The following ADGRB3 variants were observed in gnomAD, a reference collection of about 807,000 sequenced individuals.
ADGRB3 encodes the protein adhesion G protein-coupled receptor B3.
Under a neutral mutation model 193.4 loss-of-function variants are expected in ADGRB3, and 37 were observed. The ratio of observed to expected loss-of-function variants is 0.19; its 90% CI spans 0.15 to 0.25. ADGRB3 has a LOEUF of 0.25. Among genes scored for constraint, ADGRB3 ranks in the 10% least tolerant of loss-of-function variants. The pLI, the probability that ADGRB3 is intolerant of heterozygous loss-of-function variation, is 1.00. For missense variants in ADGRB3, 1,637 were observed against 1,852.9 expected (o/e 0.88, Z 2.14); for synonymous variants, 690 against 644.2 (o/e 1.07, Z -1.08).
intron 13 of ADGRB3, among the ~76,000 whole-genome samples, chr6:69,018,725 T>G (rs1770169912): frequency 6.6e-6 from 1 of 151,996 alleles, no homozygotes; most frequent in Admixed American, 6.6e-5. Flanking sequence ...GTATGATTGC[T>G]TGTAGGCCTA....
chr6:69,002,532 A>G (rs1769611904), intron 11 of ADGRB3, among the ~76,000 whole-genome samples: 1 of 152,102 alleles, frequency 6.6e-6, no homozygotes, highest in Non-Finnish European at 1.5e-5. Context: ...TTTTATCTTA[A>G]AACACTTGAT....
At position 68,979,505 on chromosome 6, in the gene ADGRB3, A is replaced by G. The variant is rs538031001; in HGVS notation, c.1734+4165A>G. Among the ~76,000 whole-genome samples, 23 of 151,710 alleles carry G rather than the reference A, an allele frequency of 1.5e-4. 1 individual carries two copies. In the East Asian group the frequency reaches 4.2e-3, roughly 28 times the overall value. ...TCATATCAATGTTGTTTTTTAAAAAAGACACAAATACACTTATCCAATTAA... is the reference window on the plus strand; with the variant it reads ...TCATATCAATGTTGTTTTTTAAAAAGGACACAAATACACTTATCCAATTAA... On this transcript the variant is annotated intron_variant, in intron 10 of 31. Transcript: ENST00000370598.
chr6:69,330,396 T>C (rs1768688823), intron 22 of ADGRB3, 110 bp from the exon 23 acceptor site: 1 of 645,560 alleles, frequency 1.5e-6, no homozygotes, highest in Admixed American at 3.4e-5. Context: ...ATGTTTAACA[T>C]GTGCCAAAAT....
At position 68,639,317 on chromosome 6, in the gene ADGRB3, G is replaced by A; in HGVS notation, c.642G>A (p.Leu214=). The A allele has an allele frequency of 6.2e-7, 1 of 1,613,732 alleles. No individual in the cohort carries two copies. Among genetic ancestry groups the A allele is most frequent in the Non-Finnish European group, 8.5e-7 (1 of 1,179,910 alleles). The change falls in exon 3 of 32, where the codon TTG becomes TTA. Residue 214 remains leucine, a synonymous_variant. Coordinates refer to ENST00000370598, the MANE Select transcript of ADGRB3 (RefSeq NM_001704.3). ...EWGIDDQSLI[L]LNNVVLPLNE... is the part of the protein sequence containing the mutation. ...GGATCGACGACCAGTCGCTGATTTT[G>A]TTAAATAACGTGGTGTTACCCCTGA...
At chr6:68,789,253 T>C (rs372400207) in intron 3 of ADGRB3, among the ~76,000 whole-genome samples, 27 of 152,198 alleles carry the variant, frequency 1.8e-4, no homozygotes, top group Non-Finnish European at 3.7e-4. Flanking sequence ...CTAGCCTTGA[T>C]GGTCTTTACA....
chr6:68,669,744 G>A (rs1179631716), intron 3 of ADGRB3, among the ~76,000 whole-genome samples: 1 of 151,486 alleles, frequency 6.6e-6, no homozygotes, highest in South Asian at 2.1e-4. Flanking sequence ...AACAAACATA[G>A]GAGTGCTGAT....
At chr6:68,872,292 T>C (rs889416112) in intron 3 of ADGRB3, among the ~76,000 whole-genome samples, 3 of 152,130 alleles carry the variant, frequency 2.0e-5, no homozygotes, top group African/African-American at 7.2e-5. Context: ...AAATACTGTG[T>C]AGTGACTTGG....
chr6:69,278,230 G>A (rs1170657370), intron 20 of ADGRB3, among the ~76,000 whole-genome samples: 1 of 152,174 alleles, frequency 6.6e-6, no homozygotes, highest in African/African-American at 2.4e-5. Flanking sequence ...TGGAAAAAAA[G>A]TTTTAATCTT....
At chr6:69,171,732 T>G (rs1775275410) in intron 17 of ADGRB3, among the ~76,000 whole-genome samples, 2 of 152,124 alleles carry the variant, frequency 1.3e-5, no homozygotes, top group East Asian at 1.9e-4. Context: ...TTGCAACTAC[T>G]TAGCATAAAG....
At chr6:68,827,525 A>G (rs1767867518) in intron 3 of ADGRB3, among the ~76,000 whole-genome samples, 1 of 152,038 alleles carries the variant, frequency 6.6e-6, no homozygotes, top group Non-Finnish European at 1.5e-5. Context: ...TATGGGAGAG[A>G]GAAAAGAGAA....
chr6:68,811,524 G>A (rs1284412141), intron 3 of ADGRB3, among the ~76,000 whole-genome samples: 24 of 151,846 alleles, frequency 1.6e-4, no homozygotes, highest in East Asian at 3.9e-4. Context: ...GCTGGAGTGC[G>A]GTGGGATGAT....
At chr6:68,826,386 G>T (rs1030819363) in intron 3 of ADGRB3, among the ~76,000 whole-genome samples, 1 of 152,124 alleles carries the variant, frequency 6.6e-6, no homozygotes, top group Non-Finnish European at 1.5e-5. Flanking sequence ...AAAAACAAAT[G>T]CCCTGAAGTG....
rs1447289889 is a variant in ADGRB3, at chr6:69,303,746, A to G, written c.2815-21126A>G. On this transcript the variant is annotated intron_variant, in intron 20 of 31. Coordinates refer to ENST00000370598, the MANE Select transcript of ADGRB3 (RefSeq NM_001704.3). Reference sequence around the variant, plus strand: ...CACAGATATTATTTAAAAATTGTGCATAAAACTGACCTATCTCTAAAGAAT... The same window carrying G: ...CACAGATATTATTTAAAAATTGTGCGTAAAACTGACCTATCTCTAAAGAAT... Among the ~76,000 whole-genome samples, 10 of 152,110 alleles carry G rather than the reference A, an allele frequency of 6.6e-5. No individual in the cohort carries two copies. The East Asian group carries it at 1.9e-3, about 30-fold the overall frequency.
In ADGRB3 at chr6:69,217,795, C is replaced by T. The variant is rs137978821; in HGVS notation, c.2481-15495C>T. 2.5e-3 allele frequency among the ~76,000 whole-genome samples: 378 copies of T among 152,290 alleles called. 4 individuals carry two copies. The highest frequency in any genetic ancestry group is 8.8e-3 in the African/African-American group (367 of 41,562). On this transcript the variant is annotated intron_variant, in intron 17 of 31. Transcript: ENST00000370598. The stretch of plus-strand genomic sequence containing the variant: ...CAGTCAGATTGAAGAGCCTTCTGTC[C>T]TTGAGTCCTCCCTGACGTAGATCTG...
At chr6:68,732,471 TAAA>T (rs1276731711) in intron 3 of ADGRB3, among the ~76,000 whole-genome samples, 1 of 151,898 alleles carries the variant, frequency 6.6e-6, no homozygotes, top group Non-Finnish European at 1.5e-5. Flanking sequence ...AATTCAGAAA[TAAA>T]GAAGATACAA....
In ADGRB3 at chr6:69,354,339, A is replaced by T. The variant is rs773069163; in HGVS notation, c.3555+11A>T. ...CATGCTCAAATCATGGTGAGTTTTT[A>T]TTTTTCCCCGATTGTTAATTAACTC... is the stretch of plus-strand genomic sequence containing the variant. On this transcript the variant is annotated intron_variant, in intron 27 of 31. Transcript: ENST00000370598. 2 of 1,593,288 alleles carry T rather than the reference A, an allele frequency of 1.3e-6. No homozygotes were observed. The highest frequency in any genetic ancestry group is 1.1e-5 in the South Asian group (1 of 90,732).
Position 69,154,917 on chromosome 6 carries a change from G to A in ADGRB3, c.2481-78373G>A, listed in dbSNP as rs574607097. 2.6e-5 allele frequency among the ~76,000 whole-genome samples: 4 copies of A among 152,320 alleles called. No individual in the cohort carries two copies. The East Asian group carries it at 7.7e-4, about 29-fold the overall frequency. On this transcript the variant is annotated intron_variant, in intron 17 of 31. Transcript: ENST00000370598. ...TACCAAGGCCCTTGCTACTTGCTAA[G>A]ATAGCATATTCTTACAAGTGAAGAC...
chr6:69,253,773 C>A (rs1258385050), intron 20 of ADGRB3, among the ~76,000 whole-genome samples: 1 of 152,032 alleles, frequency 6.6e-6, no homozygotes, highest in Non-Finnish European at 1.5e-5. Context: ...TTCCAAAGTA[C>A]TATATATTTT....
chr6:68,649,881 T>C (rs1274370476), intron 3 of ADGRB3, among the ~76,000 whole-genome samples: 1 of 152,194 alleles, frequency 6.6e-6, no homozygotes, highest in African/African-American at 2.4e-5. Context: ...GACCTCCCTC[T>C]TTGATGCTCT....
Sources: allele counts gnomAD v4.1 joint callset (sites outside exome capture counted in the v4.1 genomes callset), GRCh38; gene constraint gnomAD v4.1.1; transcripts MANE v1.5; gene names NCBI Gene and HGNC (gene_info 2026-07-23, HGNC 2026-07-21).